Variants in ARHGEF9 observed in about 807,000 individuals in gnomAD.
The protein encoded by ARHGEF9 is Cdc42 guanine nucleotide exchange factor 9.
In ARHGEF9, 2 loss-of-function variants were observed where a neutral mutation model predicts 41.3. The ratio of observed to expected loss-of-function variants is 0.05; its 90% CI spans 0.02 to 0.15. The LOEUF (loss-of-function observed/expected upper bound fraction) is 0.15, where lower values mean the gene tolerates loss of function less well. ARHGEF9 is among the 10% of genes least tolerant of loss of function. The pLI is 1.00. For missense variants in ARHGEF9, 225 were observed against 424.7 expected (o/e 0.53, Z 4.13); for synonymous variants, 160 against 154.4 (o/e 1.04, Z -0.27).
At chrX:63,753,424 A>T (rs782161832) in intron 1 of ARHGEF9, among the ~76,000 whole-genome samples, 56 of 112,119 alleles carry the variant, frequency 5.0e-4, no homozygotes, top group African/African-American at 1.7e-3. Flanking sequence ...CAGCCTTATC[A>T]AGTTACATTT....
intron 2 of ARHGEF9, among the ~76,000 whole-genome samples, chrX:63,719,296 G>A (rs2053503810): frequency 8.9e-6 from 1 of 111,971 alleles, no homozygotes; most frequent in Admixed American, 9.4e-5. Context: ...GATAAACAAG[G>A]GTTGGTATAG....
intron 1 of ARHGEF9, among the ~76,000 whole-genome samples, chrX:63,782,407 C>A (rs1470563803): frequency 8.9e-6 from 1 of 112,213 alleles, no homozygotes; most frequent in African/African-American, 3.2e-5. Context: ...GAACAGTGTT[C>A]TTTCCAATTT....
Position 63,698,109 on chromosome X carries a change from T to TTA in ARHGEF9, c.403-807_403-806dup, listed in dbSNP as rs199802127. Among the ~76,000 whole-genome samples, 443 of 104,199 alleles carry TTA rather than the reference T, an allele frequency of 4.3e-3. 3 individuals are homozygous for TTA. Among genetic ancestry groups the TTA allele is most frequent in the African/African-American group, 0.012 (358 of 28,932 alleles). The allele number at this position is 104,199 out of a possible 115,157, so 90.5% of individuals were successfully genotyped here. On this transcript the variant is annotated intron_variant, in intron 3 of 9. Transcript: ENST00000671741. ...AGGTGTTTAGGACACATTTATAAATTTATATATATATATATAAATTTATAA... is the reference window on the plus strand; with the variant it reads ...AGGTGTTTAGGACACATTTATAAATTTATATATATATATATATAAATTTATAA...
rs782648237 is a variant in ARHGEF9, at chrX:63,724,209, A to C, written c.210+323T>G. Among the ~76,000 whole-genome samples the C allele has an allele frequency of 3.6e-5, 4 of 111,565 alleles. No individual in the cohort carries two copies. In the South Asian group the frequency reaches 1.5e-3, roughly 43 times the overall value. On this transcript the variant is annotated intron_variant, in intron 2 of 9. Coordinates refer to ENST00000671741, the MANE Select transcript of ARHGEF9 (RefSeq NM_001353921.2). ...GAAAGACAAAAGTTCACAGCAATAT[A>C]GGGTTAAAAAGTCTTATTCAAAAAC...
At chrX:63,669,384 C>T (rs1409796503) in intron 6 of ARHGEF9, among the ~76,000 whole-genome samples, 1 of 111,986 alleles carries the variant, frequency 8.9e-6, no homozygotes, top group African/African-American at 3.2e-5. Context: ...ATCCTCATTG[C>T]CCAGCATAGG....
chrX:63,680,047 G>A (rs1384474497), intron 4 of ARHGEF9, among the ~76,000 whole-genome samples: 1 of 112,047 alleles, frequency 8.9e-6, no homozygotes, highest in African/African-American at 3.2e-5. Context: ...AATAGTAATA[G>A]ACTATAGGAA....
intron 5 of ARHGEF9, among the ~76,000 whole-genome samples, chrX:63,676,467 T>C (rs1556362326): frequency 8.9e-6 from 1 of 112,249 alleles, no homozygotes; most frequent in Non-Finnish European, 1.9e-5. Flanking sequence ...TTAGACCCAA[T>C]GGAAACACTC....
rs1408836581 is a variant in ARHGEF9, at chrX:63,724,568, G to A, written c.174C>T (p.Asp58=). 8.3e-7 allele frequency: 1 copy of A among 1,208,883 alleles called. No individual in the cohort carries two copies. The highest frequency in any genetic ancestry group is 1.1e-6 in the Non-Finnish European group (1 of 895,028). Residue 58 remains aspartate (D), a synonymous_variant, in exon 2 of 10, where the codon GAC becomes GAT. Transcript: ENST00000671741. ...TGGCAGGAAACCATCCCTCCTCATC[G>A]TCGATCTGGCCCCACCACCAATCCT... The part of the protein sequence containing the change: ...SNKDWWWGQI[D]DEEGWFPASF...
chrX:63,668,786 C>A (rs1261605513), intron 6 of ARHGEF9, among the ~76,000 whole-genome samples: 1 of 112,213 alleles, frequency 8.9e-6, no homozygotes, highest in Non-Finnish European at 1.9e-5. Context: ...TTTGTTATTA[C>A]CCCAAAACCA....
rs1285464940 is a variant in ARHGEF9, at chrX:63,690,602, G to A, written c.582+6523C>T. The stretch of plus-strand genomic sequence containing the variant: ...ATTCTATGCAAATTATTTCAAAAAA[G>A]TAAAGAGGAGGAATACTTCAAACTC... On this transcript the variant is annotated intron_variant, in intron 4 of 9. Coordinates refer to ENST00000671741, the MANE Select transcript of ARHGEF9 (RefSeq NM_001353921.2). Among the ~76,000 whole-genome samples the A allele has an allele frequency of 2.0e-4, 22 of 111,250 alleles. No individual in the cohort carries two copies. The East Asian group carries it at 3.7e-3, about 19-fold the overall frequency.
At chrX:63,747,630 A>C (rs1225831431) in intron 1 of ARHGEF9, among the ~76,000 whole-genome samples, 1 of 112,129 alleles carries the variant, frequency 8.9e-6, no homozygotes, top group African/African-American at 3.2e-5. Flanking sequence ...CACTATGATC[A>C]ACTCAATCAG....
At chrX:63,735,449 G>A (rs1422602367) in intron 1 of ARHGEF9, among the ~76,000 whole-genome samples, 1 of 111,457 alleles carries the variant, frequency 9.0e-6, no homozygotes, top group East Asian at 2.8e-4. Flanking sequence ...GAGGGTGGGT[G>A]GGCAAGGCAG....
chrX:63,757,204 C>T (rs1201755380), intron 1 of ARHGEF9, among the ~76,000 whole-genome samples: 6 of 111,338 alleles, frequency 5.4e-5, no homozygotes, highest in Admixed American at 9.6e-5. Flanking sequence ...GGCTCATCTA[C>T]TTCCAAGGCT....
chrX:63,675,909 C>A (rs1347737529), intron 5 of ARHGEF9, among the ~76,000 whole-genome samples: 7 of 112,185 alleles, frequency 6.2e-5, no homozygotes, highest in African/African-American at 2.3e-4. Flanking sequence ...TCAGTGTTAA[C>A]ACCTTTCTTT....
intron 3 of ARHGEF9, chrX:63,701,464 C>T (rs2052172795): frequency 9.0e-6 from 1 of 111,048 alleles, no homozygotes; most frequent in Admixed American, 9.6e-5. Flanking sequence ...TATTCACAGC[C>T]GTATCCTCAA....
intron 1 of ARHGEF9, chrX:63,754,209 TTCA>T: frequency 1.1e-5 from 11 of 994,729 alleles, no homozygotes; most frequent in Non-Finnish European, 1.6e-5. Flanking sequence ...AAAGCATTTC[TTCA>T]TCAACAATTT....
chrX:63,736,726 A>T (rs1556423159), intron 1 of ARHGEF9, among the ~76,000 whole-genome samples: 2 of 112,160 alleles, frequency 1.8e-5, no homozygotes, highest in Non-Finnish European at 3.8e-5. Context: ...TTGTCACAAA[A>T]AAGTAATTCT....
chrX:63,680,793 G>A (rs1240514384), intron 4 of ARHGEF9, among the ~76,000 whole-genome samples: 2 of 111,699 alleles, frequency 1.8e-5, no homozygotes, highest in Non-Finnish European at 3.8e-5. Flanking sequence ...CAGACGCCCT[G>A]CAGCTTATAC....
At chrX:63,706,223 C>T (rs781998697) in intron 3 of ARHGEF9, 35 bp downstream of exon 3, 4 of 1,166,788 alleles carry the variant, frequency 3.4e-6, no homozygotes, top group South Asian at 3.8e-5. Context: ...GCTGGTTCTT[C>T]GTGGAAGTGC....
Sources: allele counts gnomAD v4.1 joint callset (sites outside exome capture counted in the v4.1 genomes callset), GRCh38; gene constraint gnomAD v4.1.1; transcripts MANE v1.5; gene names NCBI Gene and HGNC (gene_info 2026-07-23, HGNC 2026-07-21).